The following FTO variants were observed in gnomAD, a reference collection of about 807,000 sequenced individuals.
FTO encodes the protein alpha-ketoglutarate-dependent dioxygenase FTO.
In FTO, 47 loss-of-function variants were observed where a neutral mutation model predicts 63.9. The observed-to-expected ratio is 0.74, with a 90% CI of 0.58 to 0.94. The LOEUF is 0.94. FTO is among the 40% of genes least tolerant of loss of function. The pLI is 0.00. For missense variants in FTO, 562 were observed against 618.1 expected, an observed-to-expected ratio of 0.91 and a Z score of 0.96; for synonymous variants, 207 against 224.4, an observed-to-expected ratio of 0.92 and a Z score of 0.69.
chr16:53,868,791 TTTTA>T (rs1193575006), intron 4 of FTO, among the ~76,000 whole-genome samples: 1 of 152,088 alleles, frequency 6.6e-6, no homozygotes, highest in African/African-American at 2.4e-5. Context: ...TTCCCTGAAT[TTTTA>T]TTTGTCTGAA....
intron 8 of FTO, among the ~76,000 whole-genome samples, chr16:53,968,097 A>G (rs1242942571): frequency 1.3e-5 from 2 of 152,216 alleles, no homozygotes; most frequent in African/African-American, 4.8e-5. Context: ...CGGGTCTATC[A>G]GTGATATACA....
At chr16:53,800,838 C>T (rs1367110727) in intron 1 of FTO, among the ~76,000 whole-genome samples, 1 of 150,686 alleles carries the variant, frequency 6.6e-6, no homozygotes, top group Non-Finnish European at 1.5e-5. Flanking sequence ...CAACTTTTTA[C>T]TTCTTTACAA....
intron 8 of FTO, among the ~76,000 whole-genome samples, chr16:54,105,411 A>G (rs2086728822): frequency 1.3e-5 from 2 of 152,218 alleles, no homozygotes; most frequent in African/African-American, 2.4e-5. Flanking sequence ...TTTTAGTCCA[A>G]ATGGAAATCC....
intron 4 of FTO, among the ~76,000 whole-genome samples, chr16:53,865,841 G>GAACA (rs1479388993): frequency 6.6e-6 from 1 of 152,122 alleles, no homozygotes; most frequent in Non-Finnish European, 1.5e-5. Flanking sequence ...TATAATCTGT[G>GAACA]AACAAACATA....
At chr16:53,933,849 C>A in intron 7 of FTO, 136 bp from the exon 8 acceptor site, 1 of 835,628 alleles carries the variant, frequency 1.2e-6, no homozygotes, top group Non-Finnish European at 1.9e-6. Context: ...TTTTGGCCAT[C>A]ATTTACTGCA....
chr16:54,009,748 C>T (rs1465643580), intron 8 of FTO, among the ~76,000 whole-genome samples: 1 of 152,170 alleles, frequency 6.6e-6, no homozygotes, highest in African/African-American at 2.4e-5. Context: ...ATCCCACCTA[C>T]GTCCAAGATA....
rs2083497608 is a variant in FTO, at chr16:53,979,562, T to TGC, written c.1364+45454_1364+45455insCG. On this transcript the variant is annotated intron_variant, in intron 8 of 8. Transcript: ENST00000471389. ...GTGTGTGTGTGTGTGTGTGTGTGTG[T>TGC]GTGTGCGCGCGTGTGTGAATTTCTT... 2.3e-5 allele frequency: 9 copies of TGC among 386,474 alleles called. 1 individual carries two copies. In the South Asian group the frequency reaches 6.8e-4, roughly 29 times the overall value. 23.9% of individuals were successfully genotyped at this position (386,474 alleles called of 1,614,324 possible). A position where few individuals can be genotyped will look rare whatever the true frequency, so the allele number is the denominator to read the frequency against.
intron 8 of FTO, among the ~76,000 whole-genome samples, chr16:53,944,570 G>A (rs1163642747): frequency 1.3e-5 from 2 of 152,176 alleles, no homozygotes; most frequent in Admixed American, 1.3e-4. Flanking sequence ...CATAGATTCT[G>A]AATCAGATTG....
chr16:53,870,443 A>C (rs566971509), intron 4 of FTO, among the ~76,000 whole-genome samples: 14 of 152,272 alleles, frequency 9.2e-5, no homozygotes, highest in Admixed American at 3.3e-4. Context: ...CGGTTTTTCT[A>C]TCCTGGAACT....
intron 8 of FTO, among the ~76,000 whole-genome samples, chr16:53,971,892 G>A (rs1422788326): frequency 5.9e-5 from 9 of 152,202 alleles, no homozygotes; most frequent in African/African-American, 2.2e-4. Flanking sequence ...TCACAAATTT[G>A]GATGATGATT....
chr16:53,917,686 G>C (rs1025229907), intron 7 of FTO, among the ~76,000 whole-genome samples: 3 of 150,030 alleles, frequency 2.0e-5, no homozygotes, highest in African/African-American at 7.4e-5. Flanking sequence ...TCCTATTTGA[G>C]AGCCATACCA....
intron 8 of FTO, among the ~76,000 whole-genome samples, chr16:54,105,789 G>GTGTA (rs1427572124): frequency 1.4e-5 from 2 of 142,696 alleles, no homozygotes; most frequent in African/African-American, 2.5e-5. Context: ...GTGTGTGTGT[G>GTGTA]TGTGTGTGTG....
At chr16:53,909,712 C>T (rs755843006) in intron 7 of FTO, among the ~76,000 whole-genome samples, 3 of 151,164 alleles carry the variant, frequency 2.0e-5, no homozygotes, top group Admixed American at 1.3e-4. Flanking sequence ...TACAGGTGCC[C>T]GCCACCACGC....
chr16:53,825,875 A>G lies in FTO; in HGVS notation c.135A>G (p.Lys45=), dbSNP rs777095923. The part of the protein sequence containing the change: ...DDEFYQQWQL[K]YPKLILREAS... ...TGGTTTTGTTTTAGTGGCAGCTGAA[A>G]TATCCTAAACTAATTCTCCGAGAAG... The change falls in exon 3 of 9, where the codon AAA becomes AAG. Residue 45 remains lysine, a synonymous_variant. Transcript: ENST00000471389. 51 of 1,613,722 alleles carry G rather than the reference A, an allele frequency of 3.2e-5. No individual in the cohort carries two copies. Among genetic ancestry groups the G allele is most frequent in the Non-Finnish European group, 4.2e-5 (50 of 1,180,038 alleles).
intron 4 of FTO, among the ~76,000 whole-genome samples, chr16:53,856,312 C>G (rs1203162543): frequency 6.6e-6 from 1 of 151,056 alleles, no homozygotes; most frequent in Non-Finnish European, 1.5e-5. Flanking sequence ...ATACCTCATG[C>G]TGGAAGGTTC....
At chr16:54,095,493 C>A (rs1394181825) in intron 8 of FTO, among the ~76,000 whole-genome samples, 1 of 151,774 alleles carries the variant, frequency 6.6e-6, no homozygotes, top group Non-Finnish European at 1.5e-5. Context: ...TTATCTCTAG[C>A]AGAAATTATC....
chr16:54,054,593 A>G (rs1279962262), intron 8 of FTO: 1 of 152,194 alleles, frequency 6.6e-6, no homozygotes, highest in Non-Finnish European at 1.5e-5. Flanking sequence ...GGCCATCAAA[A>G]CTACTTGCCA....
chr16:53,711,285 G>A (rs781599518), intron 1 of FTO: 143 of 393,138 alleles, frequency 3.6e-4, no homozygotes, highest in Non-Finnish European at 6.1e-4. Context: ...CAGCCAGAAT[G>A]GTACTAGTTT....
intron 7 of FTO, among the ~76,000 whole-genome samples, chr16:53,923,814 G>T (rs1397222739): frequency 6.6e-6 from 1 of 152,010 alleles, no homozygotes; most frequent in Non-Finnish European, 1.5e-5. Context: ...AACGTATGGG[G>T]CAGGCCATCT....
Sources: gnomAD v4.1 joint callset for allele counts (sites outside exome capture counted in the v4.1 genomes callset) on GRCh38, gnomAD v4.1.1 for gene constraint, MANE v1.5 for transcripts, NCBI Gene and HGNC (gene_info 2026-07-23, HGNC 2026-07-21) for gene names.